The following RARS2 variants were observed in gnomAD, a reference collection of about 807,000 sequenced individuals.
RARS2 encodes the protein arginyl-tRNA synthetase 2, mitochondrial, also known as probable arginine--tRNA ligase, mitochondrial.
In RARS2, 67 loss-of-function variants were observed where a neutral mutation model predicts 88.5. The observed-to-expected ratio is 0.76, with a 90% CI of 0.62 to 0.93. RARS2 has a LOEUF of 0.93. Among genes scored for constraint, RARS2 ranks in the 40% least tolerant of loss-of-function variants. The pLI is 0.00. For synonymous variants in RARS2, 239 were observed against 230.3 expected (o/e 1.04, Z -0.34); for missense variants, 664 against 684.2 (o/e 0.97, Z 0.33).
intron 4 of RARS2, among the ~76,000 whole-genome samples, chr6:87,561,434 A>G (rs998206533): frequency 6.6e-6 from 1 of 152,168 alleles, no homozygotes; most frequent in African/African-American, 2.4e-5. Flanking sequence ...CCCTTTAAAA[A>G]TCCACTTGTA....
intron 5 of RARS2, among the ~76,000 whole-genome samples, chr6:87,551,155 T>G (rs1784203860): frequency 1.3e-5 from 2 of 152,184 alleles, no homozygotes; most frequent in South Asian, 4.1e-4. Flanking sequence ...ATCAACAATT[T>G]GCTTCTCTCT....
At chr6:87,542,020 A>C (rs1442996430) in intron 7 of RARS2, 26 bp from the exon 8 acceptor site, 1 of 1,578,996 alleles carries the variant, frequency 6.3e-7, no homozygotes, top group African/African-American at 1.3e-5. Context: ...GTAAATGAAA[A>C]ATTATAAAGT....
intron 5 of RARS2, among the ~76,000 whole-genome samples, chr6:87,555,049 A>G (rs1392329504): frequency 6.6e-6 from 1 of 151,892 alleles, no homozygotes; most frequent in Non-Finnish European, 1.5e-5. Flanking sequence ...GCTTGCAGTG[A>G]GCTGAGATCT....
chr6:87,537,662 G>A (rs1015900942), intron 8 of RARS2, among the ~76,000 whole-genome samples: 2 of 152,110 alleles, frequency 1.3e-5, no homozygotes, highest in African/African-American at 2.4e-5. Flanking sequence ...TCCTCTCAAA[G>A]AGCTCACTAC....
At chr6:87,580,018 TGCGA>T (rs1390112617) in intron 1 of RARS2, among the ~76,000 whole-genome samples, 1 of 152,034 alleles carries the variant, frequency 6.6e-6, no homozygotes, top group Admixed American at 6.6e-5. Context: ...GGATTACAGG[TGCGA>T]GCCACCGCCC....
chr6:87,583,103 G>T (rs1774097342), intron 1 of RARS2, among the ~76,000 whole-genome samples: 1 of 152,072 alleles, frequency 6.6e-6, no homozygotes, highest in Non-Finnish European at 1.5e-5. Flanking sequence ...CATATTAAGA[G>T]GTAAAGGAGC....
chr6:87,519,672 A>G lies in RARS2; in HGVS notation c.1148T>C (p.Met383Thr). The G allele has an allele frequency of 1.2e-6, 2 of 1,613,800 alleles. No homozygotes were observed. The highest frequency in any genetic ancestry group is 1.7e-6 in the Non-Finnish European group (2 of 1,179,664). ...AGTGACATCTCCTCTTCGAGTCTTC[A>G]TTCCCTGTACTACTCCAAAGGGCAC... ...QHVPFGVVQG[M>T]KTRRGDVTFL... The change falls in exon 14 of 20, where the codon ATG becomes ACG. Residue 383 changes from methionine (M) to threonine (T), a missense_variant. Physicochemically the swap from Met to Thr is moderately conservative, Grantham distance 81. Transcript: ENST00000369536.
In RARS2 at chr6:87,529,530, A is replaced by G. The variant is rs1346110330; in HGVS notation, c.878+12T>C. The G allele has an allele frequency of 2.1e-6, 3 of 1,454,186 alleles. No individual in the cohort carries two copies. Among genetic ancestry groups the G allele is most frequent in the Non-Finnish European group, 2.9e-6 (3 of 1,034,922 alleles). The allele number at this position is 1,454,186 out of a possible 1,614,324, so 90.1% of individuals were successfully genotyped here. ...CAAATAATTTTACTGAAGAATAGTA[A>G]CCTGATCATACATTGTTTTCAGTAG... is the stretch of plus-strand genomic sequence containing the variant. On this transcript the variant is annotated intron_variant, in intron 10 of 19. Transcript: ENST00000369536.
At chr6:87,585,323 G>A (rs1229790267) in intron 1 of RARS2, among the ~76,000 whole-genome samples, 1 of 152,178 alleles carries the variant, frequency 6.6e-6, no homozygotes, top group Non-Finnish European at 1.5e-5. Flanking sequence ...AGAGGAAACA[G>A]ACACTAAAAC....
chr6:87,570,695 T>C (rs973977811), intron 1 of RARS2, among the ~76,000 whole-genome samples: 9 of 152,150 alleles, frequency 5.9e-5, no homozygotes, highest in Admixed American at 2.0e-4. Flanking sequence ...GTTGACATTA[T>C]AGGCGTAAAC....
chr6:87,518,124 T>C, intron 17 of RARS2, 45 bp downstream of exon 17: 1 of 1,614,024 alleles, frequency 6.2e-7, no homozygotes, highest in South Asian at 1.1e-5. Context: ...AATAGCCATT[T>C]TGATAAGCAG....
chr6:87,544,896 CTATGGTA>C (rs1181357167), intron 7 of RARS2, among the ~76,000 whole-genome samples: 1 of 152,178 alleles, frequency 6.6e-6, no homozygotes, highest in Non-Finnish European at 1.5e-5. Context: ...GGGCCACTGG[CTATGGTA>C]TAACAGGGGA....
intron 8 of RARS2, among the ~76,000 whole-genome samples, chr6:87,538,560 G>GC (rs2128097027): frequency 2.0e-5 from 3 of 152,148 alleles, no homozygotes; most frequent in African/African-American, 7.2e-5. Context: ...TACAGCCTCA[G>GC]CAACAGTGAG....
In RARS2 at chr6:87,542,049, C is replaced by T. The variant is rs998670082; in HGVS notation, c.536-55G>A. 2.3e-6 allele frequency: 3 copies of T among 1,329,994 alleles called. No homozygotes were observed. In the African/African-American group the frequency reaches 4.4e-5, roughly 19 times the overall value. The allele number at this position is 1,329,994 out of a possible 1,614,324, so 82.4% of individuals were successfully genotyped here. On this transcript the variant is annotated intron_variant, in intron 7 of 19. Transcript: ENST00000369536. ...ATAAAGTTGAACAACAGAGAATAGG[C>T]ATGACAGGGAATAGGTATAATTCTA...
intron 6 of RARS2, among the ~76,000 whole-genome samples, chr6:87,548,311 T>C (rs977583618): frequency 6.6e-6 from 1 of 152,212 alleles, no homozygotes; most frequent in Non-Finnish European, 1.5e-5. Flanking sequence ...CTTTCAGGTC[T>C]TCCCCATATT....
At chr6:87,564,285 G>T in intron 2 of RARS2, 53 bp from the exon 3 acceptor site, 1 of 1,271,684 alleles carries the variant, frequency 7.9e-7, no homozygotes, top group Non-Finnish European at 1.1e-6. Flanking sequence ...AGCATTAGTT[G>T]TTAAACAAAG....
chr6:87,521,568 G>A (rs758022329), intron 11 of RARS2, 44 bp from the exon 12 acceptor site: 15 of 1,479,002 alleles, frequency 1.0e-5, no homozygotes, highest in East Asian at 4.5e-5. Context: ...AAGCAGATCC[G>A]GGTAATAATT....
chr6:87,582,794 C>G (rs1774009163), intron 1 of RARS2, among the ~76,000 whole-genome samples: 5 of 152,162 alleles, frequency 3.3e-5, no homozygotes. Flanking sequence ...TGAGGCCACA[C>G]CTGAAATTTG....
chr6:87,555,374 G>T, intron 5 of RARS2, 34 bp downstream of exon 5: 1 of 1,533,450 alleles, frequency 6.5e-7, no homozygotes, highest in Non-Finnish European at 9.0e-7. Context: ...CAGTCAACTT[G>T]ATTAAGCAAC....
Sources: allele counts gnomAD v4.1 joint callset (sites outside exome capture counted in the v4.1 genomes callset), GRCh38; gene constraint gnomAD v4.1.1; transcripts MANE v1.5; gene names NCBI Gene and HGNC (gene_info 2026-07-23, HGNC 2026-07-21).